The following EFEMP1 variants were observed in gnomAD, a reference collection of about 807,000 sequenced individuals.
EFEMP1 encodes the protein EGF-like fibulin extracellular matrix protein 1.
EFEMP1 carries 18 observed loss-of-function variants against 65.7 expected under a neutral mutation model. That is an observed-to-expected ratio of 0.27 (90% confidence interval 0.19 to 0.41). The LOEUF is 0.41. Ranked by LOEUF, EFEMP1 falls within the 10% of genes least tolerant of loss-of-function variation. EFEMP1 has a pLI of 1.00. For missense variants in EFEMP1, 469 were observed against 624.8 expected, an observed-to-expected ratio of 0.75 and a Z score of 2.66; for synonymous variants, 237 against 219.7, an observed-to-expected ratio of 1.08 and a Z score of -0.70.
chr2:55,915,262 G>T (rs971776936), intron 5 of EFEMP1, among the ~76,000 whole-genome samples: 1 of 152,112 alleles, frequency 6.6e-6, no homozygotes, highest in African/African-American at 2.4e-5. Context: ...ATCAATTTGG[G>T]TTGGAAATAA....
chr2:55,895,579 TCG>T (rs1456687344), intron 5 of EFEMP1, among the ~76,000 whole-genome samples: 2 of 150,906 alleles, frequency 1.3e-5, no homozygotes, highest in East Asian at 3.9e-4. Context: ...AGTCTCGCTG[TCG>T]CCCAGGCTGG....
intron 5 of EFEMP1, among the ~76,000 whole-genome samples, chr2:55,882,806 T>C (rs1669292206): frequency 6.6e-6 from 1 of 152,066 alleles, no homozygotes; most frequent in South Asian, 2.1e-4. Flanking sequence ...CAGTGATGAT[T>C]TAAGACCCCT....
chr2:55,881,208 T>C (rs912718733), intron 6 of EFEMP1, among the ~76,000 whole-genome samples: 4 of 152,144 alleles, frequency 2.6e-5, no homozygotes, highest in African/African-American at 9.7e-5. Flanking sequence ...CGAGCTGGGG[T>C]TGGTGCTTGG....
At chr2:55,897,264 C>T (rs541211093) in intron 5 of EFEMP1, among the ~76,000 whole-genome samples, 2 of 152,304 alleles carry the variant, frequency 1.3e-5, no homozygotes, top group Admixed American at 1.3e-4. Context: ...TAGTCTCACA[C>T]TTTGAAATGA....
intron 6 of EFEMP1, among the ~76,000 whole-genome samples, chr2:55,879,148 T>A (rs749934596): frequency 2.6e-5 from 4 of 152,194 alleles, no homozygotes; most frequent in African/African-American, 9.6e-5. Flanking sequence ...ATTTGCTTCT[T>A]GTGTGTTCCC....
intron 5 of EFEMP1, among the ~76,000 whole-genome samples, chr2:55,909,644 A>C (rs982638559): frequency 6.6e-6 from 1 of 152,196 alleles, no homozygotes; most frequent in African/African-American, 2.4e-5. Flanking sequence ...TCCAGCGAGG[A>C]AACAGACTTT....
intron 5 of EFEMP1, among the ~76,000 whole-genome samples, chr2:55,903,159 C>G (rs1670108020): frequency 6.6e-6 from 1 of 152,174 alleles, no homozygotes; most frequent in Non-Finnish European, 1.5e-5. Context: ...CTGCCAAAGA[C>G]TACTTTCTGG....
chr2:55,901,135 G>C (rs1013220983), intron 5 of EFEMP1, among the ~76,000 whole-genome samples: 2 of 152,196 alleles, frequency 1.3e-5, no homozygotes, highest in African/African-American at 4.8e-5. Flanking sequence ...GAACAGAACA[G>C]AACAGGGATT....
intron 5 of EFEMP1, among the ~76,000 whole-genome samples, chr2:55,916,435 A>T (rs1287902467): frequency 2.0e-5 from 3 of 152,116 alleles, no homozygotes; most frequent in East Asian, 3.9e-4. Flanking sequence ...AAGCCATTTA[A>T]ACTCGAGTAT....
Position 55,897,355 on chromosome 2 carries a change from T to G in EFEMP1, c.518-15621A>C, listed in dbSNP as rs184275006. On this transcript the variant is annotated intron_variant, in intron 5 of 11. Transcript: ENST00000355426. Reference sequence around the variant, plus strand: ...GCTGTAACTAACAAAGCAATATCAATTTTTCCCCGATCTTATTCTTCCTAA... The same window carrying G: ...GCTGTAACTAACAAAGCAATATCAAGTTTTCCCCGATCTTATTCTTCCTAA... 1.4e-3 allele frequency among the ~76,000 whole-genome samples: 212 copies of G among 151,162 alleles called. 1 individual carries two copies. The highest frequency in any genetic ancestry group is 0.013 in the Admixed American group (200 of 15,184).
At chr2:55,894,862 GTGATGAA>G (rs1669755672) in intron 5 of EFEMP1, among the ~76,000 whole-genome samples, 2 of 152,158 alleles carry the variant, frequency 1.3e-5, no homozygotes, top group African/African-American at 4.8e-5. Flanking sequence ...TGGTAATAGG[GTGATGAA>G]TCACGTGGCT....
In EFEMP1 at chr2:55,867,000, A is replaced by T. The variant is rs541952588; in HGVS notation, c.*73T>A. On this transcript the variant is annotated 3_prime_UTR_variant, in exon 12 of 12. Coordinates refer to ENST00000355426, the MANE Select transcript of EFEMP1 (RefSeq NM_001039348.3). ...ATGTAGATGCACTAGATATATCTATAAATAAAATAGTGCTTTAAGGTAACA... is the reference window on the plus strand; with the variant it reads ...ATGTAGATGCACTAGATATATCTATTAATAAAATAGTGCTTTAAGGTAACA... 5.2e-5 allele frequency: 82 copies of T among 1,573,806 alleles called. No homozygotes were observed. The highest frequency in any genetic ancestry group is 4.4e-6 in the Non-Finnish European group (5 of 1,146,168).
intron 8 of EFEMP1, 62 bp from the exon 9 acceptor site, chr2:55,875,127 T>TAC: frequency 1.9e-6 from 1 of 540,088 alleles, no homozygotes; most frequent in Non-Finnish European, 2.6e-6. Flanking sequence ...CTACTTTGGA[T>TAC]ATATATATAT....
At chr2:55,887,438 C>T (rs1447718656) in intron 5 of EFEMP1, among the ~76,000 whole-genome samples, 1 of 152,152 alleles carries the variant, frequency 6.6e-6, no homozygotes, top group African/African-American at 2.4e-5. Flanking sequence ...GTTTCCCTCC[C>T]CAGTTTTTAG....
intron 5 of EFEMP1, among the ~76,000 whole-genome samples, chr2:55,884,666 C>G (rs1289497893): frequency 2.0e-5 from 3 of 152,212 alleles, no homozygotes; most frequent in African/African-American, 7.2e-5. Flanking sequence ...ATAAGGGAAA[C>G]TACTCAGGTC....
chr2:55,867,555 G>T lies in EFEMP1; in HGVS notation c.1321-321C>A, dbSNP rs1668625905. ...TTTACAGAGACTAGAGCTTAAGTGA[G>T]AATCTGATAATTTCTAAACTTGTAA... On this transcript the variant is annotated intron_variant, in intron 11 of 11. Transcript: ENST00000355426. This position sits in a 1 kb window ranked among gnomAD's most constrained non-coding sequence, Gnocchi z 4.3. Among the ~76,000 whole-genome samples, 1 of 151,894 alleles carries T rather than the reference G, an allele frequency of 6.6e-6. No homozygotes were observed. Among genetic ancestry groups the T allele is most frequent in the Non-Finnish European group, 1.5e-5 (1 of 67,966 alleles).
chr2:55,875,899 G>A (rs1162377288), intron 8 of EFEMP1, among the ~76,000 whole-genome samples: 1 of 151,678 alleles, frequency 6.6e-6, no homozygotes. Flanking sequence ...AGTTTTGAGT[G>A]TAATGGCATG....
chr2:55,897,568 A>G (rs1449897520), intron 5 of EFEMP1, among the ~76,000 whole-genome samples: 4 of 152,166 alleles, frequency 2.6e-5, no homozygotes, highest in Admixed American at 6.5e-5. Context: ...GGGGTCTCCC[A>G]AGAAAAAAAG....
At position 55,922,985 on chromosome 2, in the gene EFEMP1, T is replaced by C. The variant is rs1670958210; in HGVS notation, c.-48-46A>G. On this transcript the variant is annotated intron_variant, in intron 1 of 11. Coordinates refer to ENST00000355426, the MANE Select transcript of EFEMP1 (RefSeq NM_001039348.3). The surrounding 1 kb of genome is among the most constrained non-coding windows in gnomAD (Gnocchi z 5.5). ...CCTTGGCCTCAAGCTTTTTATTTTT[T>C]AAACAAAATAACAAAACAAAACTCG... 1 of 1,003,494 alleles carries C rather than the reference T, an allele frequency of 1.0e-6. No homozygotes were observed. Among genetic ancestry groups the C allele is most frequent in the Non-Finnish European group, 1.2e-6 (1 of 839,462 alleles). The allele number at this position is 1,003,494 out of a possible 1,614,324, so 62.2% of individuals were successfully genotyped here.
Sources: allele counts gnomAD v4.1 joint callset (sites outside exome capture counted in the v4.1 genomes callset), GRCh38; gene constraint gnomAD v4.1.1; non-coding constraint Gnocchi (gnomAD v3.1); transcripts MANE v1.5; gene names NCBI Gene and HGNC (gene_info 2026-07-23, HGNC 2026-07-21).